Variants in MCRS1 observed in about 807,000 individuals in gnomAD.
MCRS1 encodes 58 kDa microspherule protein.
Under a neutral mutation model 62.9 loss-of-function variants are expected in MCRS1, and 22 were observed. That is an observed-to-expected ratio of 0.35 (90% CI 0.25 to 0.50). MCRS1 has a LOEUF of 0.50. MCRS1 is among the 20% of genes least tolerant of loss of function. MCRS1 has a pLI of 0.98. For missense variants in MCRS1, 456 were observed against 601.1 expected (o/e 0.76, Z 2.52); for synonymous variants, 244 against 233.5 (o/e 1.04, Z -0.41).
intron 2 of MCRS1, chr12:49,566,479 C>G (rs762974055): frequency 1.3e-6 from 2 of 1,555,688 alleles, no homozygotes; most frequent in Non-Finnish European, 1.7e-6. Flanking sequence ...CTGGTGATGC[C>G]GACACGCTGG....
intron 8 of MCRS1, among the ~76,000 whole-genome samples, chr12:49,561,326 G>A (rs1336862692): frequency 1.3e-5 from 2 of 152,206 alleles, no homozygotes; most frequent in African/African-American, 4.8e-5. Flanking sequence ...AAGTGAGGGG[G>A]AGTGTGGAGG....
chr12:49,566,041 C>G (rs756040283), intron 3 of MCRS1, 36 bp downstream of exon 3: 1 of 1,601,032 alleles, frequency 6.2e-7, no homozygotes, highest in Non-Finnish European at 8.5e-7. Flanking sequence ...GACCTTCTAC[C>G]CTTTCCCAGT....
Position 49,564,860 on chromosome 12 carries a change from G to A in MCRS1, c.324C>T (p.Ser108=). 1 of 1,612,278 alleles carries A rather than the reference G, an allele frequency of 6.2e-7. No homozygotes were observed. Among genetic ancestry groups the A allele is most frequent in the Middle Eastern group, 1.7e-4 (1 of 6,050 alleles). Residue 108 remains serine, a synonymous_variant, in exon 5 of 15, where the codon AGC becomes AGT. Coordinates refer to ENST00000343810, the MANE Select transcript of MCRS1 (RefSeq NM_006337.5). ...SKAPSTPVPP[S]PAPAPGLTKR... is the part of the protein sequence containing the mutation. ...TGGTGAGTCCAGGGGCTGGGGCTGG[G>A]CTGGGTGGCACAGGAGTGCTGGGGG...
intron 2 of MCRS1, 116 bp downstream of exon 2, chr12:49,566,606 C>T: frequency 6.5e-7 from 1 of 1,530,850 alleles, no homozygotes; most frequent in South Asian, 1.2e-5. Flanking sequence ...GGTGCTGGCC[C>T]AGGGGGAGGT....
chr12:49,559,129 C>T lies in MCRS1; in HGVS notation c.1174+85G>A. On this transcript the variant is annotated intron_variant, in intron 13 of 14. Transcript: ENST00000343810. This position sits in a 1 kb window ranked among gnomAD's most constrained non-coding sequence, Gnocchi z 5.2. ...TGGTCCACGAGGGTCCCCATGGACA[C>T]CAAGCCCAGGGCTAGAAAGGACAGC... The T allele has an allele frequency of 1.3e-6, 2 of 1,542,734 alleles. No individual in the cohort carries two copies. Among genetic ancestry groups the T allele is most frequent in the Non-Finnish European group, 1.8e-6 (2 of 1,124,526 alleles).
chr12:49,564,190 G>A (rs183454827), intron 6 of MCRS1, among the ~76,000 whole-genome samples: 11 of 151,850 alleles, frequency 7.2e-5, no homozygotes, highest in African/African-American at 1.7e-4. Flanking sequence ...AGTGCACTCC[G>A]GGCACTCATT....
chr12:49,562,928 G>A, intron 8 of MCRS1, 73 bp downstream of exon 8: 1 of 1,501,346 alleles, frequency 6.7e-7, no homozygotes, highest in South Asian at 1.3e-5. Flanking sequence ...GAAGGCAGCT[G>A]TGTCGAGTAC....
chr12:49,567,490 C>T (rs1393721092), intron 1 of MCRS1, among the ~76,000 whole-genome samples: 1 of 152,080 alleles, frequency 6.6e-6, no homozygotes, highest in Non-Finnish European at 1.5e-5. Context: ...CACTTCTAAC[C>T]AGGGTGGCTC....
At chr12:49,558,787 A>G in intron 14 of MCRS1, 56 bp downstream of exon 14, 1 of 1,613,538 alleles carries the variant, frequency 6.2e-7, no homozygotes, top group Non-Finnish European at 8.5e-7. Flanking sequence ...AAGTTGGTGT[A>G]CTGGCTCACC....
chr12:49,564,084 GT>G (rs368660191), intron 6 of MCRS1, among the ~76,000 whole-genome samples: 44 of 152,298 alleles, frequency 2.9e-4, no homozygotes, highest in African/African-American at 1.1e-3. Flanking sequence ...GGGGCTTGGT[GT>G]TCTTCTATTC....
At chr12:49,566,040 C>A (rs767234125) in intron 3 of MCRS1, 37 bp downstream of exon 3, 1 of 1,600,728 alleles carries the variant, frequency 6.2e-7, no homozygotes, top group Non-Finnish European at 8.5e-7. Context: ...AGACCTTCTA[C>A]CCTTTCCCAG....
At chr12:49,565,365 T>TA (rs1447440167) in intron 4 of MCRS1, 164 bp downstream of exon 4, 33 of 983,760 alleles carry the variant, frequency 3.4e-5, no homozygotes, top group Non-Finnish European at 3.9e-5. Context: ...AAATGGGGAG[T>TA]AGGGAGAGGT....
In MCRS1 at chr12:49,559,148, G is replaced by A; in HGVS notation, c.1174+66C>T. Reference sequence around the variant, plus strand: ...TGGACACCAAGCCCAGGGCTAGAAAGGACAGCGAGAGGCTGGGAGGGACGA... The same window carrying A: ...TGGACACCAAGCCCAGGGCTAGAAAAGACAGCGAGAGGCTGGGAGGGACGA... On this transcript the variant is annotated intron_variant, in intron 13 of 14. Coordinates refer to ENST00000343810, the MANE Select transcript of MCRS1 (RefSeq NM_006337.5). The surrounding 1 kb of genome is among the most constrained non-coding windows in gnomAD (Gnocchi z 5.2). 2 of 1,566,092 alleles carry A rather than the reference G, an allele frequency of 1.3e-6. No homozygotes were observed. The highest frequency in any genetic ancestry group is 1.1e-5 in the South Asian group (1 of 87,802).
intron 8 of MCRS1, among the ~76,000 whole-genome samples, chr12:49,562,419 G>C (rs1388753859): frequency 2.6e-5 from 4 of 152,234 alleles, no homozygotes; most frequent in Non-Finnish European, 5.9e-5. Flanking sequence ...GGAGCAGTGA[G>C]GCCCTTGGGG....
Position 49,564,852 on chromosome 12 carries a change from G to A in MCRS1, c.332C>T (p.Pro111Leu). ...PSTPVPPSPAPAPGLTKRVKK... is the reference protein window; with the variant it reads ...PSTPVPPSPALAPGLTKRVKK... ...CACACGCTTGGTGAGTCCAGGGGCT[G>A]GGGCTGGGCTGGGTGGCACAGGAGT... The change falls in exon 5 of 15, where the codon CCA becomes CTA. Residue 111 changes from proline (P) to leucine (L), a missense_variant. Around this residue, in one of 3 missense-constraint regions of MCRS1, gnomAD observed 393 missense variants for 523.5 expected, o/e 0.75. Coordinates refer to ENST00000343810, the MANE Select transcript of MCRS1 (RefSeq NM_006337.5). 1.2e-6 allele frequency: 2 copies of A among 1,613,328 alleles called. No individual in the cohort carries two copies. The highest frequency in any genetic ancestry group is 1.7e-6 in the Non-Finnish European group (2 of 1,179,462).
Position 49,564,562 on chromosome 12 carries a change from C to A in MCRS1, c.476G>T (p.Gly159Val). 1 of 1,611,516 alleles carries A rather than the reference C, an allele frequency of 6.2e-7. No individual in the cohort carries two copies. Among genetic ancestry groups the A allele is most frequent in the Non-Finnish European group, 8.5e-7 (1 of 1,178,814 alleles). ...GGTGAAGCGGCAGCTGAATTTCACGCCCAGGTGGACGGAGGTCAGGTCGTT... is the reference window on the plus strand; with the variant it reads ...GGTGAAGCGGCAGCTGAATTTCACGACCAGGTGGACGGAGGTCAGGTCGTT... ...QTNDLTSVHL[G>V]VKFSCRFTLR... is the part of the protein sequence containing the mutation. Residue 159 changes from glycine to valine, a missense_variant, in exon 6 of 15, where the codon GGC becomes GTC. By Grantham distance (109) the Gly-to-Val change is moderately radical (BLOSUM62 -3). Transcript: ENST00000343810.
chr12:49,564,933 G>A (rs754335674), intron 4 of MCRS1, 38 bp from the exon 5 acceptor site: 12 of 1,522,370 alleles, frequency 7.9e-6, no homozygotes, highest in Admixed American at 6.4e-5. Flanking sequence ...CTCAAAGCCA[G>A]CATCCAGTCA....
At chr12:49,566,654 G>C in intron 2 of MCRS1, 68 bp downstream of exon 2, 2 of 1,608,276 alleles carry the variant, frequency 1.2e-6, no homozygotes, top group Non-Finnish European at 8.5e-7. Context: ...ACACGTGCCA[G>C]GCACAGAGTG....
intron 8 of MCRS1, among the ~76,000 whole-genome samples, chr12:49,562,702 G>A (rs917590817): frequency 6.6e-6 from 1 of 152,180 alleles, no homozygotes; most frequent in African/African-American, 2.4e-5. Flanking sequence ...TTATTTATGT[G>A]AGAATAAAAT....
Sources: gnomAD v4.1 joint callset for allele counts (sites outside exome capture counted in the v4.1 genomes callset) on GRCh38, gnomAD v4.1.1 for gene constraint, gnomAD v4.1.1 regional missense constraint, Gnocchi (gnomAD v3.1) non-coding constraint, MANE v1.5 for transcripts, NCBI Gene and HGNC (gene_info 2026-07-23, HGNC 2026-07-21) for gene names.